AHCYL2: variants seen among roughly 807,000 people sequenced by gnomAD.
The protein encoded by AHCYL2 is S-adenosylhomocysteine hydrolase-like protein 2.
Under a neutral mutation model 81.4 loss-of-function variants are expected in AHCYL2, and 28 were observed. That is an observed-to-expected ratio of 0.34 (90% confidence interval 0.25 to 0.47). The LOEUF is 0.47. AHCYL2 is among the 20% of genes least tolerant of loss of function. The pLI is 1.00. For missense variants in AHCYL2, 551 were observed against 785.1 expected (o/e 0.70, Z 3.56); for synonymous variants, 272 against 290.2 (o/e 0.94, Z 0.64).
intron 1 of AHCYL2, among the ~76,000 whole-genome samples, chr7:129,239,041 T>A (rs1794743424): frequency 6.6e-6 from 1 of 152,172 alleles, no homozygotes; most frequent in African/African-American, 2.4e-5. Context: ...CATTTACCTG[T>A]TAGGACTGGC....
intron 3 of AHCYL2, 145 bp from the exon 4 acceptor site, chr7:129,389,489 A>G: frequency 1.4e-6 from 1 of 736,234 alleles, no homozygotes; most frequent in East Asian, 2.8e-5. Flanking sequence ...AGGAAAATAC[A>G]GGTTTAATGT....
chr7:129,360,504 T>A (rs59339989), intron 1 of AHCYL2, among the ~76,000 whole-genome samples: 1 of 152,364 alleles, frequency 6.6e-6, no homozygotes, highest in East Asian at 1.9e-4. Flanking sequence ...ATAGGACATA[T>A]AACTTCTGTT....
intron 1 of AHCYL2, among the ~76,000 whole-genome samples, chr7:129,242,686 C>T (rs988746619): frequency 6.7e-6 from 1 of 149,936 alleles, no homozygotes; most frequent in African/African-American, 2.5e-5. Flanking sequence ...CATTGCACTC[C>T]ACCTGGGTGA....
At chr7:129,300,589 C>T (rs1228449796) in intron 1 of AHCYL2, among the ~76,000 whole-genome samples, 1 of 152,142 alleles carries the variant, frequency 6.6e-6, no homozygotes. Context: ...CTGTTGTGAA[C>T]AGTGCTACAA....
At chr7:129,398,909 A>C (rs1001597325) in intron 5 of AHCYL2, among the ~76,000 whole-genome samples, 8 of 152,078 alleles carry the variant, frequency 5.3e-5, no homozygotes, top group African/African-American at 1.7e-4. Flanking sequence ...TGGGAAGCTG[A>C]GGCAGGTGGA....
chr7:129,418,387 C>T (rs1269270479), intron 12 of AHCYL2, among the ~76,000 whole-genome samples: 2 of 152,072 alleles, frequency 1.3e-5, no homozygotes, highest in Admixed American at 1.3e-4. Flanking sequence ...GCAACCTCCG[C>T]CTCTTTGGTT....
chr7:129,322,454 A>G (rs1418255752), intron 1 of AHCYL2, among the ~76,000 whole-genome samples: 1 of 152,258 alleles, frequency 6.6e-6, no homozygotes, highest in Non-Finnish European at 1.5e-5. Flanking sequence ...TTTATAAACC[A>G]CAAATTTAAT....
intron 1 of AHCYL2, among the ~76,000 whole-genome samples, chr7:129,358,055 A>C (rs1352595508): frequency 6.6e-6 from 1 of 152,134 alleles, no homozygotes; most frequent in Non-Finnish European, 1.5e-5. Context: ...AGATGAATGG[A>C]TAAACAAAAT....
At chr7:129,320,182 TGC>T (rs1797965801) in intron 1 of AHCYL2, among the ~76,000 whole-genome samples, 2 of 152,210 alleles carry the variant, frequency 1.3e-5, no homozygotes, top group Middle Eastern at 3.2e-3. Context: ...GGTGTCTTTT[TGC>T]CTAATTTTTA....
In AHCYL2 at chr7:129,395,252, C is replaced by T. The variant is rs115617238; in HGVS notation, c.721-1970C>T. Among the ~76,000 whole-genome samples the T allele has an allele frequency of 6.5e-3, 988 of 152,350 alleles. 8 individuals carry two copies. The highest frequency in any genetic ancestry group is 0.023 in the African/African-American group (948 of 41,576). ...GTGTGCCACAGAAGTGTCCTCTTTT[C>T]AAGTACCTGCCTCATCTGCCGCACT... On this transcript the variant is annotated intron_variant, in intron 4 of 16. Coordinates refer to ENST00000325006, the MANE Select transcript of AHCYL2 (RefSeq NM_015328.4).
chr7:129,413,715 G>T (rs761874482), intron 12 of AHCYL2, 27 bp downstream of exon 12: 1 of 1,593,874 alleles, frequency 6.3e-7, no homozygotes, highest in Non-Finnish European at 8.6e-7. Context: ...CATTATTGGG[G>T]GCTTTTTTCT....
At chr7:129,360,151 TG>T (rs1465618148) in intron 1 of AHCYL2, among the ~76,000 whole-genome samples, 6 of 151,916 alleles carry the variant, frequency 3.9e-5, no homozygotes, top group Non-Finnish European at 7.4e-5. Context: ...GTTTTGCTCT[TG>T]TTGCCCAGGC....
At chr7:129,288,966 G>T (rs1796737070) in intron 1 of AHCYL2, among the ~76,000 whole-genome samples, 1 of 151,988 alleles carries the variant, frequency 6.6e-6, no homozygotes, top group African/African-American at 2.4e-5. Context: ...TTATTTTGTA[G>T]AGATAGAGTT....
chr7:129,343,710 A>C (rs12706873), intron 1 of AHCYL2, among the ~76,000 whole-genome samples: 3,513 of 152,250 alleles, frequency 0.023, 73 homozygotes, highest in Admixed American at 0.057. Flanking sequence ...TAGACTATAG[A>C]AAAAAACAAA....
At chr7:129,333,875 C>T (rs1376607878) in intron 1 of AHCYL2, among the ~76,000 whole-genome samples, 1 of 152,154 alleles carries the variant, frequency 6.6e-6, no homozygotes, top group African/African-American at 2.4e-5. Flanking sequence ...TTTGAAAAAA[C>T]ATTTTTTTCA....
intron 1 of AHCYL2, among the ~76,000 whole-genome samples, chr7:129,229,543 C>G (rs1031250015): frequency 6.6e-6 from 1 of 152,236 alleles, no homozygotes. Context: ...CTGTCCGTCT[C>G]CAAAGCCCAT....
At chr7:129,410,247 T>C in intron 11 of AHCYL2, 2 of 1,614,020 alleles carry the variant, frequency 1.2e-6, no homozygotes, top group South Asian at 2.2e-5. Flanking sequence ...TCTCCATCAC[T>C]GCCTCCTACA....
At chr7:129,258,315 T>G (rs1795494410) in intron 1 of AHCYL2, among the ~76,000 whole-genome samples, 2 of 151,832 alleles carry the variant, frequency 1.3e-5, no homozygotes, top group Non-Finnish European at 2.9e-5. Flanking sequence ...TTCTGTTGGA[T>G]TGTTGCTTAA....
intron 1 of AHCYL2, among the ~76,000 whole-genome samples, chr7:129,312,066 G>A (rs1450245783): frequency 1.3e-5 from 2 of 152,058 alleles, no homozygotes; most frequent in Non-Finnish European, 1.5e-5. Flanking sequence ...ACAGCTCACT[G>A]TAGCCTCGAC....
Sources: allele counts gnomAD v4.1 joint callset (sites outside exome capture counted in the v4.1 genomes callset), GRCh38; gene constraint gnomAD v4.1.1; transcripts MANE v1.5; gene names NCBI Gene and HGNC (gene_info 2026-07-23, HGNC 2026-07-21).